Variants in RBFOX1 observed in about 807,000 individuals in gnomAD.
The protein encoded by RBFOX1 is RNA binding fox-1 homolog 1.
RBFOX1 carries 8 observed loss-of-function variants against 57.7 expected under a neutral mutation model. That is an observed-to-expected ratio of 0.14 (90% CI 0.08 to 0.25). The LOEUF is 0.25. Among genes scored for constraint, RBFOX1 ranks in the 10% least tolerant of loss-of-function variants. The pLI, the probability that RBFOX1 is intolerant of heterozygous loss-of-function variation, is 1.00. For missense variants in RBFOX1, 611 were observed against 548.5 expected (o/e 1.11, Z -1.14); for synonymous variants, 326 against 222.4 (o/e 1.47, Z -4.15).
intron 2 of RBFOX1, among the ~76,000 whole-genome samples, chr16:6,425,337 T>C (rs2093894494): frequency 6.6e-6 from 1 of 152,168 alleles, no homozygotes; most frequent in Admixed American, 6.5e-5. Flanking sequence ...TCTAAAATCA[T>C]TGTCTTCTCA....
At chr16:7,222,927 C>T (rs2092834977) in intron 4 of RBFOX1, among the ~76,000 whole-genome samples, 1 of 152,128 alleles carries the variant, frequency 6.6e-6, no homozygotes, top group Admixed American at 6.6e-5. Context: ...CCAGTCCTCT[C>T]ATTTGCAGCG....
intron 4 of RBFOX1, among the ~76,000 whole-genome samples, chr16:5,923,065 A>G (rs951240295): frequency 1.3e-5 from 2 of 152,154 alleles, no homozygotes; most frequent in South Asian, 2.1e-4. Flanking sequence ...TGGTTTTCAC[A>G]TTAACCTCTT....
intron 3 of RBFOX1, among the ~76,000 whole-genome samples, chr16:6,924,271 G>T (rs1412479768): frequency 6.6e-6 from 1 of 152,128 alleles, no homozygotes; most frequent in Non-Finnish European, 1.5e-5. Flanking sequence ...TGGCTGTGCA[G>T]TTATGGCTCC....
chr16:6,699,663 C>T (rs1020911335), intron 3 of RBFOX1, among the ~76,000 whole-genome samples: 1 of 152,116 alleles, frequency 6.6e-6, no homozygotes, highest in South Asian at 2.1e-4. Flanking sequence ...AGCCCCTGCC[C>T]TGTTCTGATG....
intron 2 of RBFOX1, among the ~76,000 whole-genome samples, chr16:6,428,595 T>G (rs528033108): frequency 6.6e-6 from 1 of 152,190 alleles, no homozygotes; most frequent in African/African-American, 2.4e-5. Context: ...TAGGAATTAA[T>G]GTATGTAAAG....
chr16:6,443,695 T>A (rs1046545255), intron 2 of RBFOX1, among the ~76,000 whole-genome samples: 1 of 152,192 alleles, frequency 6.6e-6, no homozygotes, highest in Admixed American at 6.5e-5. Flanking sequence ...AGAAAAATGC[T>A]CTTTCATTTA....
At chr16:5,737,905 G>A (rs2052636269) in intron 3 of RBFOX1, among the ~76,000 whole-genome samples, 1 of 151,742 alleles carries the variant, frequency 6.6e-6, no homozygotes, top group African/African-American at 2.4e-5. Context: ...TGTGCAGAAC[G>A]TGCAGGTTTG....
At chr16:6,354,824 T>G (rs535709431) in intron 2 of RBFOX1, among the ~76,000 whole-genome samples, 1 of 152,196 alleles carries the variant, frequency 6.6e-6, no homozygotes, top group Admixed American at 6.5e-5. Flanking sequence ...AAGATGCTCA[T>G]TAACTACTGA....
intron 3 of RBFOX1, among the ~76,000 whole-genome samples, chr16:6,909,649 A>T (rs944494354): frequency 1.3e-5 from 2 of 152,336 alleles, no homozygotes; most frequent in Middle Eastern, 3.4e-3. Context: ...CAAAGAAATT[A>T]TCAAGTGAGG....
chr16:7,131,506 G>C (rs2070390602), intron 4 of RBFOX1, among the ~76,000 whole-genome samples: 1 of 151,566 alleles, frequency 6.6e-6, no homozygotes, highest in Non-Finnish European at 1.5e-5. Flanking sequence ...ATGAGTACCT[G>C]AAAGGATGGA....
chr16:5,510,159 C>T (rs1020459283), intron 2 of RBFOX1, among the ~76,000 whole-genome samples: 8 of 152,254 alleles, frequency 5.3e-5, no homozygotes, highest in Admixed American at 5.2e-4. Context: ...TTTAACCTCT[C>T]TGTGCCTCAG....
chr16:6,780,024 T>G (rs1282097396), intron 3 of RBFOX1, among the ~76,000 whole-genome samples: 1 of 39,336 alleles, frequency 2.5e-5, no homozygotes, highest in African/African-American at 1.3e-4. Context: ...TATTTATATA[T>G]TTATATATAT....
At chr16:7,310,831 C>T (rs2096289757) in intron 4 of RBFOX1, among the ~76,000 whole-genome samples, 1 of 152,176 alleles carries the variant, frequency 6.6e-6, no homozygotes. Flanking sequence ...TTATGGAACT[C>T]CAGCTGCCCT....
At chr16:6,296,126 C>A (rs1279966804) in intron 1 of RBFOX1, among the ~76,000 whole-genome samples, 3 of 152,166 alleles carry the variant, frequency 2.0e-5, no homozygotes, top group African/African-American at 7.2e-5. Context: ...TTGCTACATG[C>A]CTTGGGCACG....
chr16:5,570,755 G>C (rs2046253670), intron 2 of RBFOX1, among the ~76,000 whole-genome samples: 1 of 151,140 alleles, frequency 6.6e-6, no homozygotes, highest in South Asian at 2.1e-4. Context: ...CATGAGAATT[G>C]CTTGAACCCG....
chr16:6,168,006 A>G (rs2096930207), intron 1 of RBFOX1, among the ~76,000 whole-genome samples: 2 of 152,342 alleles, frequency 1.3e-5, no homozygotes, highest in South Asian at 4.1e-4. Context: ...AAATGTCATT[A>G]GAGCTTGGCT....
chr16:6,477,900 A>G (rs2095299154), intron 2 of RBFOX1, among the ~76,000 whole-genome samples: 1 of 152,142 alleles, frequency 6.6e-6, no homozygotes, highest in African/African-American at 2.4e-5. Context: ...TGCATGTTAC[A>G]GATACTCCTC....
At chr16:7,709,458 C>CT (rs572932607) in intron 15 of RBFOX1, 741 of 1,381,822 alleles carry the variant, frequency 5.4e-4, no homozygotes, top group East Asian at 1.2e-3. Flanking sequence ...TTTTTTTTTT[C>CT]TTTTTTTTTC....
chr16:5,451,113 C>G (rs958727394), intron 1 of RBFOX1, among the ~76,000 whole-genome samples: 9 of 152,206 alleles, frequency 5.9e-5, no homozygotes, highest in Non-Finnish European at 8.8e-5. Flanking sequence ...CCCTGAACCA[C>G]AGCCTCCTGT....
Sources: gnomAD v4.1 joint callset for allele counts (sites outside exome capture counted in the v4.1 genomes callset) on GRCh38, gnomAD v4.1.1 for gene constraint, MANE v1.5 for transcripts, NCBI Gene and HGNC (gene_info 2026-07-23, HGNC 2026-07-21) for gene names.